GNAQ: variants seen among roughly 807,000 people sequenced by gnomAD.
The protein encoded by GNAQ is guanine nucleotide-binding protein G(q) subunit alpha.
A neutral mutation model predicts 43.9 loss-of-function variants in GNAQ; 8 were observed. The ratio of observed to expected loss-of-function variants is 0.18; its 90% CI spans 0.11 to 0.33. The LOEUF is 0.33. Ranked by LOEUF, GNAQ falls within the 10% of genes least tolerant of loss-of-function variation. The probability of loss-of-function intolerance (pLI) is 1.00; values close to 1 mark genes in which losing one functional copy is unlikely to be tolerated. For missense variants in GNAQ, 158 were observed against 450.8 expected (o/e 0.35, Z 5.88); for synonymous variants, 155 against 170.7 (o/e 0.91, Z 0.71).
At chr9:77,897,244 T>G (rs1390035174) in intron 2 of GNAQ, among the ~76,000 whole-genome samples, 1 of 151,736 alleles carries the variant, frequency 6.6e-6, no homozygotes, top group Admixed American at 6.5e-5. Context: ...CTCAGCTTAT[T>G]TTCTTTGTCA....
intron 1 of GNAQ, among the ~76,000 whole-genome samples, chr9:78,027,952 T>C (rs1464264851): frequency 1.3e-5 from 2 of 152,140 alleles, no homozygotes; most frequent in South Asian, 4.1e-4. Context: ...AGGATAACTA[T>C]ATGTAACATG....
intron 2 of GNAQ, among the ~76,000 whole-genome samples, chr9:77,898,940 G>A (rs1828548243): frequency 6.6e-6 from 1 of 152,082 alleles, no homozygotes; most frequent in Non-Finnish European, 1.5e-5. Flanking sequence ...TCTAGATCAG[G>A]ACATATAGTT....
intron 1 of GNAQ, among the ~76,000 whole-genome samples, chr9:77,932,425 G>A (rs1829165253): frequency 6.6e-6 from 1 of 152,196 alleles, no homozygotes; most frequent in Non-Finnish European, 1.5e-5. Flanking sequence ...TGAGTGCTAT[G>A]CGCTAAAGAA....
At chr9:77,804,973 C>T (rs1826803719) in intron 3 of GNAQ, among the ~76,000 whole-genome samples, 1 of 151,850 alleles carries the variant, frequency 6.6e-6, no homozygotes, top group Admixed American at 6.6e-5. Context: ...CTGACACTAT[C>T]AAAAGCACTG....
rs534804193 is a variant in GNAQ at position 77,720,072 on chromosome 9, A to G, written c.*1251T>C. ...AAACAGATTTCCTGTTAAACCACACAGGATACTTTTTACATTGCCGGTTTG... is the reference window on the plus strand; with the variant it reads ...AAACAGATTTCCTGTTAAACCACACGGGATACTTTTTACATTGCCGGTTTG... On this transcript the variant is annotated 3_prime_UTR_variant, in exon 7 of 7. Transcript: ENST00000286548. 103 of 232,850 alleles carry G rather than the reference A, an allele frequency of 4.4e-4. 1 individual carries two copies. The highest frequency in any genetic ancestry group is 5.1e-4 in the Non-Finnish European group (60 of 117,810). The allele number at this position is 232,850 out of a possible 1,614,324, so 14.4% of individuals were successfully genotyped here.
chr9:77,895,791 G>A (rs537594260), intron 2 of GNAQ, among the ~76,000 whole-genome samples: 1 of 152,262 alleles, frequency 6.6e-6, no homozygotes, highest in East Asian at 1.9e-4. Context: ...TTCCGGTGCT[G>A]TTCGCATAAT....
intron 2 of GNAQ, among the ~76,000 whole-genome samples, chr9:77,827,635 C>G (rs182541182): frequency 6.6e-6 from 1 of 152,002 alleles, no homozygotes; most frequent in Non-Finnish European, 1.5e-5. Context: ...TCTTACTAAC[C>G]TCTTCTGTGT....
chr9:77,866,787 G>C (rs1446564023), intron 2 of GNAQ, among the ~76,000 whole-genome samples: 1 of 152,132 alleles, frequency 6.6e-6, no homozygotes, highest in African/African-American at 2.4e-5. Context: ...CCAATATTTT[G>C]TCTAAATTAA....
intron 1 of GNAQ, among the ~76,000 whole-genome samples, chr9:77,946,977 T>C (rs544388577): frequency 6.6e-6 from 1 of 152,348 alleles, no homozygotes; most frequent in South Asian, 2.1e-4. Flanking sequence ...AATAAAGCCA[T>C]TCACAATAAA....
At chr9:77,958,751 G>A (rs570568894) in intron 1 of GNAQ, among the ~76,000 whole-genome samples, 1 of 152,248 alleles carries the variant, frequency 6.6e-6, no homozygotes, top group African/African-American at 2.4e-5. Flanking sequence ...TGCAGTACAG[G>A]GTAACAGGGA....
At chr9:77,908,160 C>G (rs773707777) in intron 2 of GNAQ, among the ~76,000 whole-genome samples, 6 of 152,092 alleles carry the variant, frequency 3.9e-5, no homozygotes, top group Non-Finnish European at 7.4e-5. Context: ...TTTCTTCTGT[C>G]CCTTTGCCTC....
chr9:77,830,588 G>A (rs541702067), intron 2 of GNAQ, among the ~76,000 whole-genome samples: 1 of 152,300 alleles, frequency 6.6e-6, no homozygotes, highest in South Asian at 2.1e-4. Context: ...CAAAATGTTA[G>A]TCTTCCAAAT....
At chr9:77,987,630 C>T (rs1823458056) in intron 1 of GNAQ, among the ~76,000 whole-genome samples, 2 of 152,180 alleles carry the variant, frequency 1.3e-5, no homozygotes, top group South Asian at 4.1e-4. Flanking sequence ...TACTAAGCAA[C>T]ATCGTACCAG....
intron 5 of GNAQ, among the ~76,000 whole-genome samples, chr9:77,760,892 G>C (rs1474706732): frequency 6.8e-6 from 1 of 147,538 alleles, no homozygotes. Flanking sequence ...GCCTCTGCCC[G>C]GTCGCGACCC....
chr9:77,750,338 T>C (rs771623515), intron 5 of GNAQ, among the ~76,000 whole-genome samples: 11 of 152,174 alleles, frequency 7.2e-5, no homozygotes, highest in Admixed American at 2.0e-4. Flanking sequence ...AACAAAGCAT[T>C]CTGCCTCTTC....
intron 2 of GNAQ, among the ~76,000 whole-genome samples, chr9:77,843,132 T>A (rs1827519044): frequency 6.6e-6 from 1 of 152,204 alleles, no homozygotes; most frequent in African/African-American, 2.4e-5. Context: ...AAGTTAGATA[T>A]CACTATCTAA....
chr9:77,821,507 A>G lies in GNAQ; in HGVS notation c.322-5737T>C, dbSNP rs543023950. Among the ~76,000 whole-genome samples, 3 of 152,138 alleles carry G rather than the reference A, an allele frequency of 2.0e-5. No individual in the cohort carries two copies. In the South Asian group the frequency reaches 6.2e-4, roughly 32 times the overall value. Reference sequence around the variant, plus strand: ...CATGTTTGTCTGTAATGTCATAATTATCAGTATCAATGACATTGTAGGTCA... The same window carrying G: ...CATGTTTGTCTGTAATGTCATAATTGTCAGTATCAATGACATTGTAGGTCA... On this transcript the variant is annotated intron_variant, in intron 2 of 6. Transcript: ENST00000286548.
chr9:77,766,738 T>C (rs1427432160), intron 5 of GNAQ, among the ~76,000 whole-genome samples: 1 of 152,000 alleles, frequency 6.6e-6, no homozygotes, highest in Non-Finnish European at 1.5e-5. Flanking sequence ...GCAGTCCAAG[T>C]GTGGGTGTTT....
intron 2 of GNAQ, among the ~76,000 whole-genome samples, chr9:77,836,423 A>G (rs1202985452): frequency 1.3e-5 from 2 of 152,204 alleles, no homozygotes; most frequent in African/African-American, 4.8e-5. Context: ...GAGCAGAAAA[A>G]ACACCACTGT....
Sources: gnomAD v4.1 joint callset for allele counts (sites outside exome capture counted in the v4.1 genomes callset) on GRCh38, gnomAD v4.1.1 for gene constraint, MANE v1.5 for transcripts, NCBI Gene and HGNC (gene_info 2026-07-23, HGNC 2026-07-21) for gene names.